EPB41L2: variants seen among roughly 807,000 people sequenced by gnomAD.
The protein encoded by EPB41L2 is band 4.1-like protein 2.
EPB41L2 carries 43 observed loss-of-function variants against 113.0 expected under a neutral mutation model. That is an observed-to-expected ratio of 0.38 (90% CI 0.30 to 0.49). The LOEUF (loss-of-function observed/expected upper bound fraction) is 0.49, where lower values mean the gene tolerates loss of function less well. Among genes scored for constraint, EPB41L2 ranks in the 20% least tolerant of loss-of-function variants. The probability of loss-of-function intolerance (pLI) is 0.95; values close to 1 mark genes in which losing one functional copy is unlikely to be tolerated. For missense variants in EPB41L2, 1,147 were observed against 1,223.4 expected (o/e 0.94, Z 0.93); for synonymous variants, 442 against 436.7 (o/e 1.01, Z -0.15).
intron 7 of EPB41L2, 123 bp downstream of exon 7, chr6:130,900,839 G>T: frequency 8.7e-7 from 1 of 1,144,364 alleles, no homozygotes; most frequent in Non-Finnish European, 1.3e-6. Context: ...TTAGTGCTAG[G>T]TGAAACTCCA....
chr6:130,891,694 C>T lies in EPB41L2; in HGVS notation c.1488-1228G>A, dbSNP rs1462241422. On this transcript the variant is annotated intron_variant, in intron 10 of 19. Coordinates refer to ENST00000337057, the MANE Select transcript of EPB41L2 (RefSeq NM_001431.4). ...CAAACTCCTGACCTTGTGATCCACCCGCCTCAGCCTCCCAATGTGCTGGGA... is the reference window on the plus strand; with the variant it reads ...CAAACTCCTGACCTTGTGATCCACCTGCCTCAGCCTCCCAATGTGCTGGGA... Among the ~76,000 whole-genome samples the T allele has an allele frequency of 8.5e-5, 13 of 152,264 alleles. No individual in the cohort carries two copies. In the South Asian group the frequency reaches 1.9e-3, roughly 22 times the overall value.
At chr6:130,920,358 T>C (rs1802479240) in intron 4 of EPB41L2, among the ~76,000 whole-genome samples, 1 of 152,200 alleles carries the variant, frequency 6.6e-6, no homozygotes. Flanking sequence ...AGTGTAGGTA[T>C]CAAACATTTC....
chr6:131,029,404 A>ATT (rs1791590008), intron 1 of EPB41L2, among the ~76,000 whole-genome samples: 1 of 151,370 alleles, frequency 6.6e-6, no homozygotes. Flanking sequence ...AAAAAAAAAA[A>ATT]AAAAAAAAAA....
At chr6:130,841,999 T>C (rs947655002) in intron 19 of EPB41L2, among the ~76,000 whole-genome samples, 1 of 152,190 alleles carries the variant, frequency 6.6e-6, no homozygotes, top group Non-Finnish European at 1.5e-5. Context: ...TTGAACTTGG[T>C]TGGAAGTTTT....
chr6:130,996,641 G>A (rs1937728123), intron 1 of EPB41L2, among the ~76,000 whole-genome samples: 1 of 152,066 alleles, frequency 6.6e-6, no homozygotes, highest in Non-Finnish European at 1.5e-5. Flanking sequence ...CCAAAATTAA[G>A]TTCTACTACC....
intron 3 of EPB41L2, among the ~76,000 whole-genome samples, chr6:130,946,025 A>G (rs1237348436): frequency 6.6e-6 from 1 of 152,198 alleles, no homozygotes; most frequent in Non-Finnish European, 1.5e-5. Context: ...CAATGAGATA[A>G]AAACATTTCC....
intron 3 of EPB41L2, among the ~76,000 whole-genome samples, chr6:130,939,849 T>C (rs1186822453): frequency 6.6e-6 from 1 of 152,200 alleles, no homozygotes; most frequent in African/African-American, 2.4e-5. Context: ...TTTTAGTATG[T>C]GACAAAACAT....
intron 19 of EPB41L2, among the ~76,000 whole-genome samples, chr6:130,847,304 T>C (rs1308609149): frequency 6.6e-6 from 1 of 152,222 alleles, no homozygotes; most frequent in African/African-American, 2.4e-5. Flanking sequence ...ATTTCTCCTG[T>C]CAACTTCCAC....
At chr6:131,015,814 C>T (rs903778184) in intron 1 of EPB41L2, 2 of 152,178 alleles carry the variant, frequency 1.3e-5, no homozygotes, top group African/African-American at 2.4e-5. Context: ...GAGAGATGTA[C>T]TTACTGCCAA....
At chr6:131,030,507 A>T (rs1007276191) in intron 1 of EPB41L2, among the ~76,000 whole-genome samples, 1 of 152,230 alleles carries the variant, frequency 6.6e-6, no homozygotes, top group African/African-American at 2.4e-5. Context: ...TAAAATATGC[A>T]GCCTTCTCTG....
intron 8 of EPB41L2, among the ~76,000 whole-genome samples, chr6:130,895,743 C>T (rs1259606022): frequency 6.6e-6 from 1 of 152,194 alleles, no homozygotes; most frequent in African/African-American, 2.4e-5. Context: ...TTGGCTGGCA[C>T]GTTTCAAAGG....
chr6:130,952,294 G>A (rs185256099), intron 3 of EPB41L2, among the ~76,000 whole-genome samples: 55 of 140,010 alleles, frequency 3.9e-4, no homozygotes, highest in Non-Finnish European at 8.3e-4. Context: ...TAGCAATTCC[G>A]CCACTAGGTA....
chr6:130,849,930 AAT>A (rs1778272760), intron 19 of EPB41L2, among the ~76,000 whole-genome samples: 1 of 152,120 alleles, frequency 6.6e-6, no homozygotes, highest in Non-Finnish European at 1.5e-5. Context: ...ACAATTTGGT[AAT>A]ATGTCAAAAA....
intron 1 of EPB41L2, among the ~76,000 whole-genome samples, chr6:131,053,241 T>A (rs1458467625): frequency 2.0e-5 from 3 of 148,588 alleles, no homozygotes; most frequent in East Asian, 2.0e-4. Flanking sequence ...TCTGAAACTT[T>A]AAAAAAAAAA....
In EPB41L2 at chr6:130,858,230, G is replaced by A. The variant is rs751310395; in HGVS notation, c.2924C>T (p.Ala975Val). The A allele has an allele frequency of 2.4e-5, 39 of 1,612,088 alleles. No individual in the cohort carries two copies. Among genetic ancestry groups the A allele is most frequent in the Non-Finnish European group, 3.2e-5 (38 of 1,179,022 alleles). Residue 975 changes from alanine to valine, a missense_variant, in exon 19 of 20, where the codon GCG (alanine) becomes GTG (valine). Coordinates refer to ENST00000337057, the MANE Select transcript of EPB41L2 (RefSeq NM_001431.4). The part of the protein sequence containing the change: ...DIDHDQALAQ[A>V]IREAREQHPD... ...GTGCTGCTCTCTGGCTTCCCTGATC[G>A]CCTGAGCCAGTGCCTGCCAGGGTCA... is the stretch of plus-strand genomic sequence containing the variant.
intron 3 of EPB41L2, among the ~76,000 whole-genome samples, chr6:130,934,447 A>C (rs1457176966): frequency 6.6e-6 from 1 of 152,206 alleles, no homozygotes; most frequent in Non-Finnish European, 1.5e-5. Context: ...GTAGATACAT[A>C]AATATAGAAG....
intron 18 of EPB41L2, among the ~76,000 whole-genome samples, chr6:130,859,294 G>A (rs1781271016): frequency 6.6e-6 from 1 of 152,144 alleles, no homozygotes; most frequent in Non-Finnish European, 1.5e-5. Context: ...CGCCAACGCG[G>A]GCGATCACTT....
At chr6:130,847,582 T>C (rs552486245) in intron 19 of EPB41L2, among the ~76,000 whole-genome samples, 3 of 152,292 alleles carry the variant, frequency 2.0e-5, no homozygotes, top group African/African-American at 7.2e-5. Flanking sequence ...CTAATTCCCA[T>C]GTTTACCATT....
At chr6:130,868,337 C>T (rs1784570193) in intron 15 of EPB41L2, 1 of 152,250 alleles carries the variant, frequency 6.6e-6, no homozygotes, top group African/African-American at 2.4e-5. Flanking sequence ...CAATGTTACA[C>T]CAATGCTTTG....
Sources: allele counts gnomAD v4.1 joint callset (sites outside exome capture counted in the v4.1 genomes callset), GRCh38; gene constraint gnomAD v4.1.1; transcripts MANE v1.5; gene names NCBI Gene and HGNC (gene_info 2026-07-23, HGNC 2026-07-21).